Variants in DNAH5 observed in about 807,000 individuals in gnomAD.
DNAH5 encodes axonemal beta dynein heavy chain 5.
In DNAH5, 372 loss-of-function variants were observed where a neutral mutation model predicts 518.2. The observed-to-expected ratio is 0.72, with a 90% CI of 0.66 to 0.78. The LOEUF is 0.78. Among genes scored for constraint, DNAH5 ranks in the 30% least tolerant of loss-of-function variants. DNAH5 has a pLI of 0.00. For synonymous variants in DNAH5, 2,039 were observed against 2,025.9 expected (o/e 1.01, Z -0.17); for missense variants, 5,523 against 5,687.0 (o/e 0.97, Z 0.93).
intron 65 of DNAH5, among the ~76,000 whole-genome samples, chr5:13,742,962 T>C (rs1473053022): frequency 6.6e-6 from 1 of 152,060 alleles, no homozygotes; most frequent in Non-Finnish European, 1.5e-5. Context: ...TGTTCAAGGT[T>C]AAAAGATTGA....
intron 4 of DNAH5, 35 bp downstream of exon 4, chr5:13,923,245 G>C (rs1777496303): frequency 6.2e-7 from 1 of 1,613,576 alleles, no homozygotes; most frequent in Non-Finnish European, 8.5e-7. Context: ...GTGTTTTTTG[G>C]TAATTCAGAG....
chr5:13,727,608 G>A lies in DNAH5; in HGVS notation c.11932C>T (p.Pro3978Ser), dbSNP rs1283903903. The A allele has an allele frequency of 3.7e-6, 6 of 1,613,534 alleles. No individual in the cohort carries two copies. In the Admixed American group the frequency reaches 8.3e-5, roughly 22 times the overall value. Residue 3978 changes from proline to serine, a missense_variant, in exon 70 of 79, where the codon CCG becomes TCG. Physicochemically the swap from Pro to Ser is moderately conservative, Grantham distance 74. Transcript: ENST00000265104. ...GCATTTGGAAGAGGTTCCTCCTCCG[G>A]GTTTTCCTTATCAAACCAAATTTTC... Reference protein sequence around the residue: ...MWKIWFDKENPEEEPLPNAYD... With the variant: ...MWKIWFDKENSEEEPLPNAYD...
At chr5:13,970,240 G>T (rs1158107487) in intron 1 of DNAH5, among the ~76,000 whole-genome samples, 1 of 152,144 alleles carries the variant, frequency 6.6e-6, no homozygotes, top group Non-Finnish European at 1.5e-5. Flanking sequence ...GGATTCTTAT[G>T]CATTCTGCCT....
At chr5:13,987,607 C>T (rs1783147865) in intron 1 of DNAH5, among the ~76,000 whole-genome samples, 1 of 152,050 alleles carries the variant, frequency 6.6e-6, no homozygotes. Flanking sequence ...AATCCCAGCA[C>T]TTTGGGAGGC....
chr5:13,716,880 G>A (rs1298462845), intron 73 of DNAH5, among the ~76,000 whole-genome samples, 190 bp from the exon 74 acceptor site: 1 of 152,196 alleles, frequency 6.6e-6, no homozygotes, highest in East Asian at 1.9e-4. Context: ...TCAGGTCCAT[G>A]ATTTGAAATA....
intron 1 of DNAH5, among the ~76,000 whole-genome samples, chr5:13,957,107 C>T (rs339439): frequency 0.12 from 18,340 of 152,160 alleles, 1,916 homozygotes; most frequent in African/African-American, 0.28. Context: ...CCCTATAAAA[C>T]CTTATGTTCA....
At chr5:13,870,609 G>A (rs1023932518) in intron 24 of DNAH5, among the ~76,000 whole-genome samples, 158 bp downstream of exon 24, 15 of 152,112 alleles carry the variant, frequency 9.9e-5, no homozygotes, top group Non-Finnish European at 2.2e-4. Context: ...GCCCATGGAA[G>A]GCAATGCTAT....
chr5:13,975,240 C>A (rs1294693305), intron 1 of DNAH5, among the ~76,000 whole-genome samples: 2 of 152,130 alleles, frequency 1.3e-5, no homozygotes, highest in Non-Finnish European at 2.9e-5. Context: ...AGAATGAGAG[C>A]CAAGCAAAAC....
At chr5:13,862,845 TATATATAA>T in intron 28 of DNAH5, 98 bp from the exon 29 acceptor site, 2 of 334,950 alleles carry the variant, frequency 6.0e-6, no homozygotes, top group Non-Finnish European at 9.7e-6. Context: ...TTGCTTCATA[TATATATAA>T]ATATATATAT....
intron 76 of DNAH5, among the ~76,000 whole-genome samples, chr5:13,706,582 C>A (rs1346185035): frequency 6.6e-6 from 1 of 152,176 alleles, no homozygotes; most frequent in Non-Finnish European, 1.5e-5. Context: ...GGTGTGCATG[C>A]ACATCACACA....
At chr5:13,771,002 G>C in intron 55 of DNAH5, 22 bp from the exon 56 acceptor site, 2 of 1,554,888 alleles carry the variant, frequency 1.3e-6, no homozygotes, top group Non-Finnish European at 1.8e-6. Flanking sequence ...AAAGATGACA[G>C]TGTGTGAAAT....
chr5:13,730,297 T>A (rs1369015397), intron 68 of DNAH5, among the ~76,000 whole-genome samples: 1 of 152,208 alleles, frequency 6.6e-6, no homozygotes, highest in Non-Finnish European at 1.5e-5. Flanking sequence ...TCAGAACAAC[T>A]GAATGTGTGA....
intron 70 of DNAH5, among the ~76,000 whole-genome samples, chr5:13,721,656 A>C (rs1206590553): frequency 6.6e-6 from 1 of 152,218 alleles, no homozygotes; most frequent in Non-Finnish European, 1.5e-5. Context: ...TTAAATAGAT[A>C]ATTATTGAGT....
At chr5:13,870,368 CTT>C (rs1769913579) in intron 24 of DNAH5, among the ~76,000 whole-genome samples, 1 of 152,146 alleles carries the variant, frequency 6.6e-6, no homozygotes, top group African/African-American at 2.4e-5. Context: ...TTCCTACTGA[CTT>C]AGGAGTAGAA....
intron 1 of DNAH5, among the ~76,000 whole-genome samples, chr5:13,976,710 TACACACACACAC>T (rs111246854): frequency 7.5e-6 from 1 of 133,108 alleles, no homozygotes; most frequent in South Asian, 2.5e-4. Context: ...TATATATATA[TACACACACACAC>T]ATACACACAC....
At chr5:13,897,926 T>C (rs1429716161) in intron 15 of DNAH5, 1 of 152,238 alleles carries the variant, frequency 6.6e-6, no homozygotes, top group Non-Finnish European at 1.5e-5. Context: ...ATGTGACTTC[T>C]TTATTGTTCA....
rs756093950 is a variant in DNAH5 at position 13,842,433 on chromosome 5, A to AAGAGAGAGAGAGAGAGAGAGAGAGAGAG, written c.5272-530_5272-529insCTCTCTCTCTCTCTCTCTCTCTCTCTCT. 2.9e-3 allele frequency among the ~76,000 whole-genome samples: 181 copies of AAGAGAGAGAGAGAGAGAGAGAGAGAGAG among 61,914 alleles called. 16 individuals carry two copies. Among genetic ancestry groups the AAGAGAGAGAGAGAGAGAGAGAGAGAGAG allele is most frequent in the East Asian group, 4.0e-3 (5 of 1,236 alleles). The allele number at this position is 61,914 out of a possible 152,430, so 40.6% of individuals were successfully genotyped here. On this transcript the variant is annotated intron_variant, in intron 32 of 78. Transcript: ENST00000265104. ...GAAAGAAAAGAAAAGAAAAGAAAGA[A>AAGAGAGAGAGAGAGAGAGAGAGAGAGAG]AGAAAGAAAGAAAGAAAGAAAGAAA... is the stretch of plus-strand genomic sequence containing the variant.
chr5:13,925,244 A>G (rs931201169), intron 3 of DNAH5, among the ~76,000 whole-genome samples: 25 of 152,192 alleles, frequency 1.6e-4, no homozygotes, highest in South Asian at 2.1e-4. Flanking sequence ...CAAGGCACCA[A>G]CGCATGATAG....
chr5:13,701,419 A>G lies in DNAH5; in HGVS notation c.13356T>C (p.Ser4452=), dbSNP rs1396824810. 1.2e-6 allele frequency: 2 copies of G among 1,612,960 alleles called. No individual in the cohort carries two copies. Among genetic ancestry groups the G allele is most frequent in the South Asian group, 1.1e-5 (1 of 91,068 alleles). ...GTTCAGTAAACCAGAAACCCAGTGT[A>G]CTAGAAATCCAAGAAGCCTGCAATG... ...AWWKKASWIS[S]TLGFWFTELI... The change falls in exon 77 of 79, where the codon AGT becomes AGC. Residue 4452 remains serine (S), a synonymous_variant. Coordinates refer to ENST00000265104, the MANE Select transcript of DNAH5 (RefSeq NM_001369.3).
Sources: allele counts gnomAD v4.1 joint callset (sites outside exome capture counted in the v4.1 genomes callset), GRCh38; gene constraint gnomAD v4.1.1; transcripts MANE v1.5; gene names NCBI Gene and HGNC (gene_info 2026-07-23, HGNC 2026-07-21).